Variants in CFH observed in about 807,000 individuals in gnomAD.
CFH encodes the protein complement factor H, also known as H factor 1 (complement).
CFH carries 53 observed loss-of-function variants against 147.3 expected under a neutral mutation model. That is an observed-to-expected ratio of 0.36 (90% CI 0.29 to 0.45). The LOEUF is 0.45. Ranked by LOEUF, CFH falls within the 20% of genes least tolerant of loss-of-function variation. The pLI is 1.00. For synonymous variants in CFH, 536 were observed against 489.4 expected (o/e 1.10, Z -1.26); for missense variants, 1,380 against 1,498.0 (o/e 0.92, Z 1.30).
At chr1:196,665,761 CA>C (rs1329032353) in intron 1 of CFH, among the ~76,000 whole-genome samples, 13 of 152,164 alleles carry the variant, frequency 8.5e-5, no homozygotes, top group African/African-American at 3.1e-4. Flanking sequence ...GCATGTGCCA[CA>C]ACAGTTGGCT....
In CFH at chr1:196,686,838, G is replaced by A. The variant is rs548205536; in HGVS notation, c.964+1601G>A. Reference sequence around the variant, plus strand: ...CTGGAGTTCTCATGGACAAGATAGAGGAGTTGATGAGTTATATGGTTTATC... The same window carrying A: ...CTGGAGTTCTCATGGACAAGATAGAAGAGTTGATGAGTTATATGGTTTATC... On this transcript the variant is annotated intron_variant, in intron 7 of 21. Transcript: ENST00000367429. Among the ~76,000 whole-genome samples the A allele has an allele frequency of 3.9e-4, 59 of 152,208 alleles. 1 individual carries two copies. The highest frequency in any genetic ancestry group is 1.1e-3 in the African/African-American group (47 of 41,558).
chr1:196,710,487 G>T (rs1668700316), intron 9 of CFH, among the ~76,000 whole-genome samples: 1 of 152,114 alleles, frequency 6.6e-6, no homozygotes, highest in Non-Finnish European at 1.5e-5. Context: ...CCAGTATCAT[G>T]AGATCCTTTA....
In CFH at chr1:196,658,972, G is replaced by A. The variant is rs567414293; in HGVS notation, c.58+6797G>A. 1.4e-3 allele frequency among the ~76,000 whole-genome samples: 214 copies of A among 152,270 alleles called. 1 individual carries two copies. The highest frequency in any genetic ancestry group is 3.4e-3 in the Middle Eastern group (1 of 294). ...ACTGGCAATTAAATGACTTGTAAAC[G>A]TAAGATGAAGTATTCATTGTTTAAA... On this transcript the variant is annotated intron_variant, in intron 1 of 21. Transcript: ENST00000367429.
intron 5 of CFH, chr1:196,678,682 G>A (rs1460823904): frequency 6.6e-6 from 1 of 151,964 alleles, no homozygotes; most frequent in African/African-American, 2.4e-5. Context: ...AATGGCTGAT[G>A]CCTACGATTA....
intron 1 of CFH, among the ~76,000 whole-genome samples, chr1:196,656,919 C>T (rs1042102917): frequency 6.6e-6 from 1 of 152,186 alleles, no homozygotes; most frequent in Non-Finnish European, 1.5e-5. Flanking sequence ...ATTCTCCTAT[C>T]TGCTTTTTAT....
chr1:196,673,768 TA>T, intron 2 of CFH, 88 bp from the exon 3 acceptor site: 1 of 831,782 alleles, frequency 1.2e-6, no homozygotes, highest in Non-Finnish European at 2.1e-6. Flanking sequence ...TCTTCTTATA[TA>T]ATATCAAATA....
At chr1:196,660,434 G>T (rs1447371959) in intron 1 of CFH, among the ~76,000 whole-genome samples, 1 of 152,148 alleles carries the variant, frequency 6.6e-6, no homozygotes, top group Non-Finnish European at 1.5e-5. Context: ...TTAATCACAG[G>T]AATGACATGA....
intron 9 of CFH, among the ~76,000 whole-genome samples, chr1:196,692,766 C>G (rs1290866603): frequency 6.1e-5 from 2 of 32,688 alleles, no homozygotes; most frequent in African/African-American, 3.3e-4. Context: ...TTCTTTCTTT[C>G]TTTCTTTCTT....
Position 196,736,906 on chromosome 1 carries a change from A to G in CFH, c.2496A>G (p.Gly832=), listed in dbSNP as rs1262703311. The change falls in exon 16 of 22, where the codon GGA becomes GGG. Residue 832 remains glycine, a synonymous_variant. Coordinates refer to ENST00000367429, the MANE Select transcript of CFH (RefSeq NM_000186.4). The stretch of plus-strand genomic sequence containing the variant: ...CAACCACACTGAATTATCGGGATGG[A>G]GAAAAAGTATCTGTTCTTTGCCAAG... ...NMTTTLNYRD[G]EKVSVLCQEN... 6.2e-7 allele frequency: 1 copy of G among 1,610,670 alleles called. No homozygotes were observed.
chr1:196,740,028 C>A (rs535427041), intron 17 of CFH, among the ~76,000 whole-genome samples: 11 of 152,144 alleles, frequency 7.2e-5, no homozygotes, highest in Non-Finnish European at 1.5e-4. Context: ...GACAGAAAAG[C>A]TCCTTATAAA....
At chr1:196,730,409 T>C (rs1303980772) in intron 15 of CFH, among the ~76,000 whole-genome samples, 1 of 151,924 alleles carries the variant, frequency 6.6e-6, no homozygotes, top group Non-Finnish European at 1.5e-5. Context: ...CTATTATTGA[T>C]TTCTCATTTC....
chr1:196,656,406 A>G (rs1451140869), intron 1 of CFH, among the ~76,000 whole-genome samples: 1 of 152,106 alleles, frequency 6.6e-6, no homozygotes, highest in African/African-American at 2.4e-5. Flanking sequence ...CTTAGGACAC[A>G]TAGGTCAGAT....
At chr1:196,706,443 G>A (rs1347423089) in intron 9 of CFH, among the ~76,000 whole-genome samples, 1 of 151,288 alleles carries the variant, frequency 6.6e-6, no homozygotes, top group South Asian at 2.1e-4. Context: ...CACTAAAGAG[G>A]TGAACAGAGA....
rs764571169 is a variant in CFH, at chr1:196,673,158, G to A, written c.239G>A (p.Cys80Tyr). The A allele has an allele frequency of 6.2e-7, 1 of 1,611,908 alleles. No individual in the cohort carries two copies. Among genetic ancestry groups the A allele is most frequent in the Non-Finnish European group, 8.5e-7 (1 of 1,178,302 alleles). Residue 80 changes from cysteine (C) to tyrosine (Y), a missense_variant, in exon 2 of 22, where the codon TGT becomes TAT. Transcript: ENST00000367429. ...EWVALNPLRK[C>Y]QKRPCGHPGD... ...GTTGCTCTTAATCCATTAAGGAAATGTCAGAGTAAGTACTTAATACATTTG... is the reference window on the plus strand; with the variant it reads ...GTTGCTCTTAATCCATTAAGGAAATATCAGAGTAAGTACTTAATACATTTG...
At position 196,725,209 on chromosome 1, in the gene CFH, C is replaced by T. The variant is rs763709710; in HGVS notation, c.1785C>T (p.Phe595=). 11 of 1,613,714 alleles carry T rather than the reference C, an allele frequency of 6.8e-6. No individual in the cohort carries two copies. The highest frequency in any genetic ancestry group is 8.5e-6 in the Non-Finnish European group (10 of 1,179,828). Residue 595 remains phenylalanine (F), a synonymous_variant, in exon 12 of 22, where the codon TTC becomes TTT. Coordinates refer to ENST00000367429, the MANE Select transcript of CFH (RefSeq NM_000186.4). ...DQYKVGEVLK[F]SCKPGFTIVG... ...ATAAAGTTGGAGAGGTGTTGAAATT[C>T]TCCTGCAAACCAGGATTTACAATAG...
intron 12 of CFH, 46 bp from the exon 13 acceptor site, chr1:196,726,424 T>C: frequency 6.9e-7 from 1 of 1,440,032 alleles, no homozygotes; most frequent in Non-Finnish European, 9.7e-7. Flanking sequence ...TTTTATATTG[T>C]AAAACAGACA....
intron 1 of CFH, among the ~76,000 whole-genome samples, chr1:196,657,268 A>G (rs985748967): frequency 6.6e-6 from 1 of 152,112 alleles, no homozygotes; most frequent in Non-Finnish European, 1.5e-5. Context: ...TTACTTCTGA[A>G]ATGATCTTTA....
At chr1:196,713,674 A>G in intron 9 of CFH, 61 bp from the exon 10 acceptor site, 2 of 1,079,374 alleles carry the variant, frequency 1.9e-6, no homozygotes. Flanking sequence ...CATATTACTT[A>G]AATTCTTATA....
chr1:196,735,830 A>G (rs1669388585), intron 15 of CFH, among the ~76,000 whole-genome samples: 1 of 152,096 alleles, frequency 6.6e-6, no homozygotes, highest in Non-Finnish European at 1.5e-5. Flanking sequence ...GCGAAAAAAG[A>G]AAACTCGACA....
Sources: gnomAD v4.1 joint callset for allele counts (sites outside exome capture counted in the v4.1 genomes callset) on GRCh38, gnomAD v4.1.1 for gene constraint, MANE v1.5 for transcripts, NCBI Gene and HGNC (gene_info 2026-07-23, HGNC 2026-07-21) for gene names.